Variants in TRA2B observed in about 807,000 individuals in gnomAD.
TRA2B encodes the protein transformer-2 protein homolog beta.
Under a neutral mutation model 41.7 loss-of-function variants are expected in TRA2B, and 14 were observed. That is an observed-to-expected ratio of 0.34 (90% confidence interval 0.22 to 0.53). The LOEUF (loss-of-function observed/expected upper bound fraction) is 0.53, where lower values mean the gene tolerates loss of function less well. TRA2B is among the 20% of genes least tolerant of loss of function. TRA2B has a pLI of 0.95. For missense variants in TRA2B, 167 were observed against 396.8 expected (o/e 0.42, Z 4.92); for synonymous variants, 130 against 128.8 (o/e 1.01, Z -0.06).
chr3:185,925,285 C>T, intron 3 of TRA2B, 179 bp downstream of exon 3: 1 of 670,936 alleles, frequency 1.5e-6, no homozygotes, highest in South Asian at 2.1e-5. Context: ...GACAGGCAGC[C>T]CAAATGCAGA....
chr3:185,929,709 T>TA (rs1414734517), intron 1 of TRA2B, among the ~76,000 whole-genome samples: 1 of 152,120 alleles, frequency 6.6e-6, no homozygotes, highest in Admixed American at 6.5e-5. Flanking sequence ...AACCATCCAA[T>TA]CCCTGTATTA....
At chr3:185,925,331 A>T (rs1743905919) in intron 3 of TRA2B, 133 bp downstream of exon 3, 2 of 1,086,028 alleles carry the variant, frequency 1.8e-6, no homozygotes, top group African/African-American at 1.6e-5. Context: ...AGACTCTCTC[A>T]AAACACTAAA....
In TRA2B at chr3:185,937,954, A is replaced by C. The variant is rs973147090; in HGVS notation, c.-94T>G. 17 of 1,504,926 alleles carry C rather than the reference A, an allele frequency of 1.1e-5. No individual in the cohort carries two copies. Among genetic ancestry groups the C allele is most frequent in the Non-Finnish European group, 1.5e-5 (17 of 1,098,602 alleles). The allele number at this position is 1,504,926 out of a possible 1,614,324, so 93.2% of individuals were successfully genotyped here. The stretch of plus-strand genomic sequence containing the variant: ...GGAGGCTCCGCCGCAGCCCCGCACG[A>C]CGCGCCGGTCGCCCAGCCGCTCAGA... On this transcript the variant is annotated 5_prime_UTR_variant, in exon 1 of 9. Coordinates refer to ENST00000453386, the MANE Select transcript of TRA2B (RefSeq NM_004593.3).
chr3:185,931,656 A>C, intron 1 of TRA2B: 5 of 1,284,190 alleles, frequency 3.9e-6, no homozygotes, highest in Non-Finnish European at 3.9e-6. Flanking sequence ...TTCCGTTTCA[A>C]ATTCTGACTT....
rs1743483921 is a variant in TRA2B, at chr3:185,915,894, A to AG, written c.*1820_*1821insC. ...TCAGGAAAGGATGCCTGTATATACTACCACGATAAAACCAGGTTTCTCAGC... is the reference window on the plus strand; with the variant it reads ...TCAGGAAAGGATGCCTGTATATACTAGCCACGATAAAACCAGGTTTCTCAGC... On this transcript the variant is annotated 3_prime_UTR_variant, in exon 9 of 9. Coordinates refer to ENST00000453386, the MANE Select transcript of TRA2B (RefSeq NM_004593.3). 1.3e-5 allele frequency: 2 copies of AG among 152,058 alleles called. No homozygotes were observed. Among genetic ancestry groups the AG allele is most frequent in the Admixed American group, 6.6e-5 (1 of 15,172 alleles). The allele number at this position is 152,058 out of a possible 1,614,324, so 9.4% of individuals were successfully genotyped here.
At chr3:185,935,636 G>GTTGAA in intron 1 of TRA2B, 1 of 985,448 alleles carries the variant, frequency 1.0e-6, no homozygotes, top group Non-Finnish European at 1.2e-6. Context: ...GAAGCCTGGA[G>GTTGAA]TTGAATAACA....
intron 8 of TRA2B, among the ~76,000 whole-genome samples, chr3:185,918,146 C>G (rs779626039): frequency 6.6e-6 from 1 of 152,208 alleles, no homozygotes; most frequent in Non-Finnish European, 1.5e-5. Flanking sequence ...CGAGCCTACT[C>G]TGGCTCAGGA....
intron 1 of TRA2B, among the ~76,000 whole-genome samples, chr3:185,929,836 A>C (rs1744083608): frequency 6.6e-6 from 1 of 152,200 alleles, no homozygotes. Context: ...AGTCAACCTC[A>C]GAAGTTACAT....
chr3:185,925,542 A>G lies in TRA2B; in HGVS notation c.255T>C (p.Ser85=). ...GCCGTCTACGATAATCTCGACTGTA[A>G]GACCTGCTACGTGATCGTCTATGGG... is the stretch of plus-strand genomic sequence containing the variant. ...SRSHRRSRSR[S]YSRDYRRRHS... is the part of the protein sequence containing the mutation. Residue 85 remains serine, a synonymous_variant, in exon 3 of 9, where the codon TCT becomes TCC. Transcript: ENST00000453386. The G allele has an allele frequency of 6.2e-7, 1 of 1,614,212 alleles. No individual in the cohort carries two copies. Among genetic ancestry groups the G allele is most frequent in the Non-Finnish European group, 8.5e-7 (1 of 1,180,034 alleles).
At chr3:185,934,531 T>A in intron 1 of TRA2B, 1 of 985,396 alleles carries the variant, frequency 1.0e-6, no homozygotes, top group Middle Eastern at 5.2e-4. Context: ...GAAAAAAATA[T>A]TTCAACCGGG....
At position 185,916,792 on chromosome 3, in the gene TRA2B, A is replaced by C. The variant is rs1743516402; in HGVS notation, c.*923T>G. On this transcript the variant is annotated 3_prime_UTR_variant, in exon 9 of 9. Transcript: ENST00000453386. ...TTAAACACAGTTCTCAAAACATTTG[A>C]GTGAAATTGGGCCTCCTTTGGTAAG... The C allele has an allele frequency of 6.6e-6, 1 of 152,644 alleles. No homozygotes were observed. Among genetic ancestry groups the C allele is most frequent in the African/African-American group, 2.4e-5 (1 of 41,458 alleles). 9.5% of individuals were successfully genotyped at this position (152,644 alleles called of 1,614,324 possible).
At chr3:185,931,946 T>G in intron 1 of TRA2B, 1 of 927,338 alleles carries the variant, frequency 1.1e-6, no homozygotes, top group Non-Finnish European at 1.4e-6. Context: ...ATCCCTTTGT[T>G]GATTTGGATT....
In TRA2B at chr3:185,937,807, T is replaced by C. The variant is rs1424873042; in HGVS notation, c.36+18A>G. 1 of 1,614,090 alleles carries C rather than the reference T, an allele frequency of 6.2e-7. No homozygotes were observed. The highest frequency in any genetic ancestry group is 8.5e-7 in the Non-Finnish European group (1 of 1,180,020). Reference sequence around the variant, plus strand: ...GAGCTAGGACCACACAGCCACCCCCTACCGCAGCTCTACGTACCCGCTCGC... The same window carrying C: ...GAGCTAGGACCACACAGCCACCCCCCACCGCAGCTCTACGTACCCGCTCGC... On this transcript the variant is annotated intron_variant, in intron 1 of 8. Transcript: ENST00000453386.
chr3:185,926,431 C>G (rs1163650839), intron 2 of TRA2B, among the ~76,000 whole-genome samples, 170 bp downstream of exon 2: 2 of 152,206 alleles, frequency 1.3e-5, no homozygotes, highest in African/African-American at 4.8e-5. Flanking sequence ...TCCAAAAGCC[C>G]AGGCTCTTAA....
chr3:185,926,869 G>A, intron 1 of TRA2B, 135 bp from the exon 2 acceptor site: 1 of 989,588 alleles, frequency 1.0e-6, no homozygotes, highest in East Asian at 2.7e-5. Context: ...GGCAGGAACT[G>A]AATATACCTG....
chr3:185,933,609 T>G (rs2150119157), intron 1 of TRA2B, among the ~76,000 whole-genome samples: 1 of 152,288 alleles, frequency 6.6e-6, no homozygotes, highest in African/African-American at 2.4e-5. Flanking sequence ...TCATTAATCC[T>G]GTTATGGAAA....
chr3:185,926,946 G>A (rs983720132), intron 1 of TRA2B: 1 of 543,108 alleles, frequency 1.8e-6, no homozygotes, highest in Non-Finnish European at 3.1e-6. Context: ...CACCTTTTTG[G>A]AGCAGGGATA....
intron 1 of TRA2B, chr3:185,934,938 A>G (rs1744292394): frequency 2.4e-5 from 24 of 985,446 alleles, no homozygotes; most frequent in Non-Finnish European, 2.8e-5. Flanking sequence ...TCTGGTCCAT[A>G]CATCAGTGTC....
intron 1 of TRA2B, among the ~76,000 whole-genome samples, chr3:185,934,216 A>G (rs1007286782): frequency 6.6e-6 from 1 of 152,224 alleles, no homozygotes; most frequent in African/African-American, 2.4e-5. Flanking sequence ...AACACTGATC[A>G]ACATAAAATG....
Sources: allele counts gnomAD v4.1 joint callset (sites outside exome capture counted in the v4.1 genomes callset), GRCh38; gene constraint gnomAD v4.1.1; transcripts MANE v1.5; gene names NCBI Gene and HGNC (gene_info 2026-07-23, HGNC 2026-07-21).